ROBO4: variants seen among roughly 807,000 people sequenced by gnomAD.
ROBO4 encodes roundabout guidance receptor 4, also known as roundabout homolog 4.
ROBO4 carries 80 observed loss-of-function variants against 103.3 expected under a neutral mutation model. The ratio of observed to expected loss-of-function variants is 0.77; its 90% CI spans 0.65 to 0.93. The LOEUF is 0.93. Ranked by LOEUF, ROBO4 falls within the 40% of genes least tolerant of loss-of-function variation. ROBO4 has a pLI of 0.00. For synonymous variants in ROBO4, 504 were observed against 529.7 expected, an observed-to-expected ratio of 0.95 and a Z score of 0.67; for missense variants, 1,333 against 1,305.3, an observed-to-expected ratio of 1.02 and a Z score of -0.33.
chr11:124,887,472 C>A lies in ROBO4; in HGVS notation c.2084G>T (p.Trp695Leu). 2 of 1,613,916 alleles carry A rather than the reference C, an allele frequency of 1.2e-6. No homozygotes were observed. Among genetic ancestry groups the A allele is most frequent in the Non-Finnish European group, 1.7e-6 (2 of 1,179,970 alleles). The change falls in exon 14 of 18, where the codon TGG becomes TTG. Residue 695 changes from tryptophan (W) to leucine (L), a missense_variant. By Grantham distance (61) the Trp-to-Leu change is moderately conservative. Coordinates refer to ENST00000306534, the MANE Select transcript of ROBO4 (RefSeq NM_019055.6). ...PGAVPQALVA[W>L]RALGPKLLSS... Reference sequence around the variant, plus strand: ...GAGGAGTTTCGGTCCCAGGGCCCGCCAGGCAACCAGAGCTTGGGGCACAGC... The same window carrying A: ...GAGGAGTTTCGGTCCCAGGGCCCGCAAGGCAACCAGAGCTTGGGGCACAGC...
chr11:124,894,488 G>T, intron 7 of ROBO4, 119 bp from the exon 8 acceptor site: 1 of 975,512 alleles, frequency 1.0e-6, no homozygotes, highest in Non-Finnish European at 1.5e-6. Flanking sequence ...CTTGGGGAAT[G>T]CACCCAATTT....
At chr11:124,885,607 G>T (rs1295349207) in intron 16 of ROBO4, among the ~76,000 whole-genome samples, 1 of 150,468 alleles carries the variant, frequency 6.6e-6, no homozygotes, top group East Asian at 1.9e-4. Context: ...CGGGGCAAAG[G>T]ATAGAGTTAA....
chr11:124,891,666 A>T lies in ROBO4; in HGVS notation c.1684T>A (p.Leu562Met), dbSNP rs759143270. The change falls in exon 11 of 18, where the codon TTG becomes ATG. Residue 562 changes from leucine to methionine, a missense_variant and splice_region_variant. Transcript: ENST00000306534. ...ARDPLDCRRSLLSWDSRSPGV... is the reference protein window; with the variant it reads ...ARDPLDCRRSMLSWDSRSPGV... Reference sequence around the variant, plus strand: ...CCTTGCCCCCACTGAGCATGCTCACAGGAGCGACGACAGTCTAGTGGGTCC... The same window carrying T: ...CCTTGCCCCCACTGAGCATGCTCACTGGAGCGACGACAGTCTAGTGGGTCC... 6.2e-7 allele frequency: 1 copy of T among 1,614,208 alleles called. No individual in the cohort carries two copies. Among genetic ancestry groups the T allele is most frequent in the Admixed American group, 1.7e-5 (1 of 60,020 alleles).
Position 124,886,834 on chromosome 11 carries a change from C to CA in ROBO4, c.2436-13dup, listed in dbSNP as rs760726144. ...GAGAGACGCTGTTCCTAGGGAGAGG[C>CA]AAAAGGGGAGACAGCAATGGTTTGG... On this transcript the variant is annotated splice_polypyrimidine_tract_variant and intron_variant, in intron 15 of 17. Transcript: ENST00000306534. 6.5e-7 allele frequency: 1 copy of CA among 1,528,134 alleles called. No homozygotes were observed. Among genetic ancestry groups the CA allele is most frequent in the Non-Finnish European group, 8.8e-7 (1 of 1,136,018 alleles). The allele number at this position is 1,528,134 out of a possible 1,614,324, so 94.7% of individuals were successfully genotyped here. A position where few individuals can be genotyped will look rare whatever the true frequency, so the allele number is the denominator to read the frequency against.
rs751112496 is a variant in ROBO4, at chr11:124,884,889, G to A, written c.*2C>T. 6.8e-6 allele frequency: 11 copies of A among 1,614,084 alleles called. No homozygotes were observed. The highest frequency in any genetic ancestry group is 2.5e-6 in the Non-Finnish European group (3 of 1,180,032). Reference sequence around the variant, plus strand: ...CCGTCTGGGAAGTCTCAGGGACACGGTTCAGGAGTAATCTACAGGAGAAGC... The same window carrying A: ...CCGTCTGGGAAGTCTCAGGGACACGATTCAGGAGTAATCTACAGGAGAAGC... On this transcript the variant is annotated 3_prime_UTR_variant, in exon 18 of 18. Coordinates refer to ENST00000306534, the MANE Select transcript of ROBO4 (RefSeq NM_019055.6).
chr11:124,890,032 G>A (rs1389231557), intron 12 of ROBO4, among the ~76,000 whole-genome samples: 1 of 152,214 alleles, frequency 6.6e-6, no homozygotes, highest in African/African-American at 2.4e-5. Flanking sequence ...AGAACTGGCT[G>A]TAGAAAACCA....
Position 124,891,533 on chromosome 11 carries a change from C to T in ROBO4, c.1714G>A (p.Val572Met), listed in dbSNP as rs563340264. ...LLSWDSRSPG[V>M]PLLPDTSTFY... is the part of the protein sequence containing the mutation. ...GTGCTGGTGTCTGGAAGCAGGGGCA[C>T]GCCGGGGCTTCGGGAGTCCCAGGAG... The change falls in exon 12 of 18, where the codon GTG becomes ATG. Residue 572 changes from valine to methionine, a missense_variant. Val to Met is a conservative substitution (Grantham distance 21). Transcript: ENST00000306534. The T allele has an allele frequency of 8.8e-5, 142 of 1,614,160 alleles. 1 individual carries two copies. In the East Asian group the frequency reaches 2.4e-3, roughly 27 times the overall value.
intron 9 of ROBO4, 40 bp downstream of exon 9, chr11:124,893,820 A>G: frequency 1.9e-6 from 3 of 1,613,028 alleles, no homozygotes; most frequent in Non-Finnish European, 2.5e-6. Flanking sequence ...CTGGATGCTG[A>G]GGAGGCCTGT....
intron 12 of ROBO4, 57 bp downstream of exon 12, chr11:124,891,242 C>T: frequency 6.7e-7 from 1 of 1,495,246 alleles, no homozygotes; most frequent in Non-Finnish European, 8.9e-7. Flanking sequence ...CATCACATTC[C>T]CATTCCTGGG....
chr11:124,887,189 G>C lies in ROBO4; in HGVS notation c.2223C>G (p.Pro741=). The stretch of plus-strand genomic sequence containing the variant: ...GGGCTGCTGGCAGCAGGATGGAGGA[G>C]GGAGCCTGTGGTGCCACCGGAGGCC... ...QTQPPVAPQA[P]SSILLPAAPI... is the part of the protein sequence containing the mutation. Residue 741 remains proline (P), a synonymous_variant, in exon 15 of 18, where the codon CCC becomes CCG. Transcript: ENST00000306534. 1 of 1,597,486 alleles carries C rather than the reference G, an allele frequency of 6.3e-7. No individual in the cohort carries two copies. Among genetic ancestry groups the C allele is most frequent in the South Asian group, 1.1e-5 (1 of 88,754 alleles).
chr11:124,895,425 A>G (rs1946868573), intron 6 of ROBO4, 32 bp downstream of exon 6: 1 of 1,583,406 alleles, frequency 6.3e-7, no homozygotes, highest in Non-Finnish European at 8.6e-7. Flanking sequence ...CAGAGGGGAT[A>G]TTGTTGGCTT....
At chr11:124,896,739 C>T in intron 2 of ROBO4, 69 bp from the exon 3 acceptor site, 1 of 1,550,966 alleles carries the variant, frequency 6.4e-7, no homozygotes, top group African/African-American at 1.4e-5. Flanking sequence ...TCACTCTTGC[C>T]CCCTTCTGCT....
rs149560585 is a variant in ROBO4 at position 124,886,787 on chromosome 11, G to C, written c.2471C>G (p.Pro824Arg). The C allele has an allele frequency of 4.8e-5, 74 of 1,540,862 alleles. No individual in the cohort carries two copies. Among genetic ancestry groups the C allele is most frequent in the Admixed American group, 3.5e-4 (18 of 51,256 alleles). ...GCTGATGTACCCATAGGTGGTGGGGGGTGAAGGAGCCCTTGGCATGGGAGA... is the reference window on the plus strand; with the variant it reads ...GCTGATGTACCCATAGGTGGTGGGGCGTGAAGGAGCCCTTGGCATGGGAGA... ...SVSPMPRAPS[P>R]PTTYGYISVP... Residue 824 changes from proline to arginine, a missense_variant, in exon 16 of 18, where the codon CCC (proline) becomes CGC (arginine). Transcript: ENST00000306534.
Position 124,894,194 on chromosome 11 carries a change from C to T in ROBO4, c.1318+7G>A, listed in dbSNP as rs776988518. The T allele has an allele frequency of 2.8e-5, 45 of 1,606,498 alleles. No individual in the cohort carries two copies. Among genetic ancestry groups the T allele is most frequent in the Non-Finnish European group, 3.7e-5 (44 of 1,175,830 alleles). On this transcript the variant is annotated splice_region_variant and intron_variant, in intron 8 of 17. Transcript: ENST00000306534. ...GGGTAGGGTGGGTCTGTGGGCACTG[C>T]CCTCACCTAAAAGGAGGCAGACAGG...
chr11:124,889,139 C>T (rs1053001035), intron 12 of ROBO4, among the ~76,000 whole-genome samples: 8 of 152,342 alleles, frequency 5.3e-5, no homozygotes, highest in Non-Finnish European at 1.0e-4. Flanking sequence ...TCATCAATGA[C>T]TAGACTCCCT....
chr11:124,896,423 G>T, intron 3 of ROBO4, 90 bp downstream of exon 3: 2 of 1,591,140 alleles, frequency 1.3e-6, no homozygotes, highest in South Asian at 2.3e-5. Flanking sequence ...TCTACCGGAG[G>T]ATGCGGGGCT....
intron 1 of ROBO4, chr11:124,897,503 CTCTT>C (rs1330131376): frequency 4.3e-5 from 25 of 584,446 alleles, no homozygotes; most frequent in South Asian, 1.5e-4. Flanking sequence ...CTTACTTTCT[CTCTT>C]TCTTTCTTTC....
chr11:124,893,930 G>A lies in ROBO4; in HGVS notation c.1434C>T (p.Leu478=), dbSNP rs267602766. The change falls in exon 9 of 18, where the codon CTC becomes CTT. Residue 478 remains leucine (L), a synonymous_variant. Transcript: ENST00000306534. ...CGGCGGTGCCCAGAAGCAGCAGCCA[G>A]AGTGCAACACCGCAGGTGGCAATGA... ...PEVIATCGVA[L]WLLLLGTAVC... is the part of the protein sequence containing the mutation. 6.2e-7 allele frequency: 1 copy of A among 1,611,802 alleles called. No homozygotes were observed. The highest frequency in any genetic ancestry group is 8.5e-7 in the Non-Finnish European group (1 of 1,179,708).
At chr11:124,893,282 C>G in intron 10 of ROBO4, among the ~76,000 whole-genome samples, 1 of 152,158 alleles carries the variant, frequency 6.6e-6, no homozygotes, top group East Asian at 1.9e-4. Context: ...GCTGGAGCTG[C>G]GGGTGGACTA....
Sources: gnomAD v4.1 joint callset for allele counts (sites outside exome capture counted in the v4.1 genomes callset) on GRCh38, gnomAD v4.1.1 for gene constraint, MANE v1.5 for transcripts, NCBI Gene and HGNC (gene_info 2026-07-23, HGNC 2026-07-21) for gene names.